EGF: variants seen among roughly 807,000 people sequenced by gnomAD.
EGF encodes the protein pro-epidermal growth factor.
A neutral mutation model predicts 143.8 loss-of-function variants in EGF; 95 were observed. That is an observed-to-expected ratio of 0.66 (90% CI 0.56 to 0.78). The LOEUF (loss-of-function observed/expected upper bound fraction) is 0.78. Among genes scored for constraint, EGF ranks in the 30% least tolerant of loss-of-function variants. EGF has a pLI of 0.00. For synonymous variants in EGF, 510 were observed against 510.5 expected (o/e 1.00, Z 0.01); for missense variants, 1,320 against 1,470.9 (o/e 0.90, Z 1.68).
chr4:109,919,270 G>C (rs1737258006), intron 1 of EGF, among the ~76,000 whole-genome samples: 1 of 140,796 alleles, frequency 7.1e-6, no homozygotes, highest in Non-Finnish European at 1.5e-5. Flanking sequence ...CCAGGTATTA[G>C]GAATGCATGC....
At chr4:109,937,599 T>C (rs895522194) in intron 1 of EGF, among the ~76,000 whole-genome samples, 6 of 152,196 alleles carry the variant, frequency 3.9e-5, no homozygotes, top group African/African-American at 1.4e-4. Context: ...GCTGGTTTCT[T>C]CATAGCGTCC....
At chr4:109,926,931 A>G (rs1738778485) in intron 1 of EGF, among the ~76,000 whole-genome samples, 1 of 152,252 alleles carries the variant, frequency 6.6e-6, no homozygotes, top group South Asian at 2.1e-4. Context: ...CAATGCCAAT[A>G]TGTCACCTGT....
intron 20 of EGF, among the ~76,000 whole-genome samples, chr4:109,995,546 C>T (rs182177545): frequency 1.3e-4 from 20 of 152,260 alleles, no homozygotes; most frequent in Non-Finnish European, 2.5e-4. Context: ...GTGCTCACTC[C>T]GAAAACCTTT....
At chr4:109,988,950 C>T (rs1351769942) in intron 18 of EGF, among the ~76,000 whole-genome samples, 1 of 152,180 alleles carries the variant, frequency 6.6e-6, no homozygotes, top group Non-Finnish European at 1.5e-5. Flanking sequence ...CTGTTTACTC[C>T]TCTGCCTTTC....
chr4:109,934,428 T>C (rs987376489), intron 1 of EGF, among the ~76,000 whole-genome samples: 1 of 152,058 alleles, frequency 6.6e-6, no homozygotes, highest in Non-Finnish European at 1.5e-5. Context: ...TTCTTGTAAA[T>C]TTGTTTAAGT....
intron 11 of EGF, among the ~76,000 whole-genome samples, chr4:109,969,944 C>T (rs562327794): frequency 2.6e-5 from 4 of 152,278 alleles, no homozygotes; most frequent in East Asian, 1.9e-4. Flanking sequence ...GAATGAGCTT[C>T]GGCATGCAAG....
intron 14 of EGF, 27 bp downstream of exon 14, chr4:109,980,166 T>C: frequency 6.4e-7 from 1 of 1,561,202 alleles, no homozygotes; most frequent in Non-Finnish European, 8.7e-7. Context: ...TTACACAGTC[T>C]TTCCTTGGCT....
At chr4:109,960,019 G>T (rs1745434969) in intron 6 of EGF, among the ~76,000 whole-genome samples, 1 of 152,158 alleles carries the variant, frequency 6.6e-6, no homozygotes, top group Non-Finnish European at 1.5e-5. Context: ...ACATACAGTG[G>T]AATTAGCTGG....
At chr4:109,983,892 T>A (rs1749746650) in intron 16 of EGF, among the ~76,000 whole-genome samples, 1 of 152,254 alleles carries the variant, frequency 6.6e-6, no homozygotes, top group African/African-American at 2.4e-5. Flanking sequence ...TGTTTTTCTA[T>A]TAGCCTGAAA....
chr4:109,965,559 G>A (rs1746416782), intron 10 of EGF, among the ~76,000 whole-genome samples: 1 of 152,144 alleles, frequency 6.6e-6, no homozygotes, highest in African/African-American at 2.4e-5. Context: ...TACCAAACTA[G>A]TTTTATTCCT....
At chr4:109,968,485 A>G (rs934917664) in intron 10 of EGF, among the ~76,000 whole-genome samples, 6 of 152,134 alleles carry the variant, frequency 3.9e-5, no homozygotes, top group African/African-American at 1.4e-4. Flanking sequence ...TAGTTCAAGC[A>G]TGATGGCTAC....
chr4:110,010,904 C>G (rs1753910572), intron 23 of EGF, among the ~76,000 whole-genome samples: 1 of 151,822 alleles, frequency 6.6e-6, no homozygotes, highest in Admixed American at 6.6e-5. Context: ...ATAAAAAATA[C>G]AAAAGTTAGC....
intron 5 of EGF, among the ~76,000 whole-genome samples, chr4:109,946,988 G>A (rs972862762): frequency 6.6e-6 from 1 of 152,022 alleles, no homozygotes; most frequent in Non-Finnish European, 1.5e-5. Context: ...GCATGGTGGC[G>A]CATGTCTGTA....
At chr4:109,949,046 A>C (rs1743345196) in intron 5 of EGF, among the ~76,000 whole-genome samples, 1 of 152,204 alleles carries the variant, frequency 6.6e-6, no homozygotes, top group Non-Finnish European at 1.5e-5. Context: ...GCTATCATTT[A>C]TCAAAGCATG....
intron 22 of EGF, among the ~76,000 whole-genome samples, 157 bp downstream of exon 22, chr4:110,004,779 G>T (rs1753038455): frequency 1.3e-5 from 2 of 151,108 alleles, no homozygotes; most frequent in Admixed American, 6.6e-5. Flanking sequence ...GGAGGTCCTG[G>T]GTGGGAGGGT....
At chr4:109,983,053 G>A (rs987536503) in intron 15 of EGF, among the ~76,000 whole-genome samples, 1 of 152,156 alleles carries the variant, frequency 6.6e-6, no homozygotes. Flanking sequence ...GCATGTGTAT[G>A]GAAGACAAGT....
chr4:109,999,559 G>A (rs1752275995), intron 20 of EGF, 120 bp from the exon 21 acceptor site: 2 of 1,303,824 alleles, frequency 1.5e-6, no homozygotes, highest in East Asian at 4.6e-5. Flanking sequence ...TTTTCTATAT[G>A]TTTCTAAAGA....
At chr4:109,994,583 A>T (rs918622947) in intron 19 of EGF, 150 bp from the exon 20 acceptor site, 1 of 908,920 alleles carries the variant, frequency 1.1e-6, no homozygotes, top group Non-Finnish European at 1.7e-6. Context: ...AGGTCTAGCT[A>T]GGAAAGTGAA....
intron 22 of EGF, among the ~76,000 whole-genome samples, chr4:110,006,020 A>T (rs1753232056): frequency 1.3e-5 from 2 of 149,960 alleles, no homozygotes; most frequent in African/African-American, 2.5e-5. Flanking sequence ...TTATTTATTT[A>T]TTTTTTGGTT....
Sources: gnomAD v4.1 joint callset for allele counts (sites outside exome capture counted in the v4.1 genomes callset) on GRCh38, gnomAD v4.1.1 for gene constraint, MANE v1.5 for transcripts, NCBI Gene and HGNC (gene_info 2026-07-23, HGNC 2026-07-21) for gene names.